RNF166: variants seen among roughly 807,000 people sequenced by gnomAD.
The protein encoded by RNF166 is ring finger protein 166.
In RNF166, 19 loss-of-function variants were observed where a neutral mutation model predicts 29.4. The observed-to-expected ratio is 0.65, with a 90% CI of 0.45 to 0.95. The LOEUF (loss-of-function observed/expected upper bound fraction) is 0.95. Ranked by LOEUF, RNF166 falls within the 40% of genes least tolerant of loss-of-function variation. RNF166 has a pLI of 0.00. For missense variants in RNF166, 347 were observed against 322.1 expected (o/e 1.08, Z -0.59); for synonymous variants, 171 against 134.5 (o/e 1.27, Z -1.88).
intron 1 of RNF166, 67 bp from the exon 2 acceptor site, chr16:88,701,485 G>C: frequency 6.9e-7 from 1 of 1,447,476 alleles, no homozygotes; most frequent in East Asian, 2.4e-5. Context: ...GCCTTGCTCG[G>C]GGCCCTTCTT....
At chr16:88,700,531 C>T in intron 2 of RNF166, 1 of 910,020 alleles carries the variant, frequency 1.1e-6, no homozygotes, top group Non-Finnish European at 1.3e-6. Context: ...GGACAAACCA[C>T]CGAGGGGCCA....
In RNF166 at chr16:88,706,335, AGGCCCGCGCCGCCCGCCGCCCGCTGTCCT is replaced by A; in HGVS notation, c.-39_-11del. The A allele has an allele frequency of 8.2e-7, 1 of 1,212,840 alleles. No individual in the cohort carries two copies. The highest frequency in any genetic ancestry group is 1.0e-6 in the Non-Finnish European group (1 of 976,006). 75.1% of individuals were successfully genotyped at this position (1,212,840 alleles called of 1,614,324 possible). A position where few individuals can be genotyped will look rare whatever the true frequency, so the allele number is the denominator to read the frequency against. On this transcript the variant is annotated 5_prime_UTR_variant, in exon 1 of 6. Transcript: ENST00000312838. ...TGCGGAACATAGCCATCCCGGGGCC[AGGCCCGCGCCGCCCGCCGCCCGCTGTCCT>A]GGCCCGGGCCGGCCCGCTAGTCACA...
intron 1 of RNF166, 110 bp from the exon 2 acceptor site, chr16:88,701,528 G>C (rs1910231383): frequency 9.5e-7 from 1 of 1,057,740 alleles, no homozygotes; most frequent in South Asian, 1.7e-5. Flanking sequence ...CACAGGGGCA[G>C]CTCCCCCTAC....
At chr16:88,702,939 C>T (rs1910401776) in intron 1 of RNF166, 1 of 985,368 alleles carries the variant, frequency 1.0e-6, no homozygotes, top group African/African-American at 1.7e-5. Context: ...CATACTCAGG[C>T]ACTCATGGCA....
intron 4 of RNF166, 75 bp from the exon 5 acceptor site, chr16:88,698,684 C>T (rs539914007): frequency 1.9e-4 from 210 of 1,130,436 alleles, no homozygotes; most frequent in South Asian, 7.2e-4. Flanking sequence ...TGGGGGCCCT[C>T]CACTGAGCCC....
intron 2 of RNF166, 48 bp from the exon 3 acceptor site, chr16:88,699,780 G>A (rs1415755796): frequency 6.9e-7 from 1 of 1,447,672 alleles, no homozygotes; most frequent in African/African-American, 1.4e-5. Context: ...AATCTGGAAG[G>A]GCCGTCCTGG....
intron 2 of RNF166, chr16:88,700,787 G>T: frequency 9.8e-7 from 1 of 1,022,356 alleles, no homozygotes; most frequent in South Asian, 3.3e-5. Flanking sequence ...CCCTTACGCT[G>T]CTCTGATGTG....
rs1023844973 is a variant in RNF166 at position 88,706,374 on chromosome 16, C to T, written c.-49G>A. On this transcript the variant is annotated 5_prime_UTR_variant, in exon 1 of 6. Coordinates refer to ENST00000312838, the MANE Select transcript of RNF166 (RefSeq NM_178841.4). ...CGCCGCCCGCTGTCCTGGCCCGGGC[C>T]GGCCCGCTAGTCACAGCCGCTACTG... 49 of 1,217,232 alleles carry T rather than the reference C, an allele frequency of 4.0e-5. No homozygotes were observed. Among genetic ancestry groups the T allele is most frequent in the Non-Finnish European group, 4.5e-5 (44 of 976,036 alleles). The allele number at this position is 1,217,232 out of a possible 1,614,324, so 75.4% of individuals were successfully genotyped here.
At chr16:88,704,496 A>G (rs757746609) in intron 1 of RNF166, 32 of 985,212 alleles carry the variant, frequency 3.2e-5, no homozygotes, top group Non-Finnish European at 3.9e-5. Flanking sequence ...AGGAAAAGAC[A>G]TATTTGAAAA....
chr16:88,699,640 G>A lies in RNF166; in HGVS notation c.405C>T (p.Pro135=), dbSNP rs973615495. 8.1e-6 allele frequency: 13 copies of A among 1,612,896 alleles called. No homozygotes were observed. The highest frequency in any genetic ancestry group is 1.1e-5 in the Non-Finnish European group (13 of 1,179,598). Residue 135 remains proline, a synonymous_variant, in exon 3 of 6, where the codon CCC becomes CCT. Transcript: ENST00000312838. The part of the protein sequence containing the change: ...ANCPKFVPVV[P]TSQPIPSNIP... ...CCTACCTGGGGATAGGCTGTGATGTGGGCACCACGGGGACGAACTTGGGGC... is the reference window on the plus strand; with the variant it reads ...CCTACCTGGGGATAGGCTGTGATGTAGGCACCACGGGGACGAACTTGGGGC...
intron 1 of RNF166, chr16:88,704,594 C>T (rs557068889): frequency 6.7e-5 from 66 of 984,426 alleles, no homozygotes; most frequent in African/African-American, 5.2e-4. Flanking sequence ...CCAAAGCCTA[C>T]GGGAGGCTTT....
intron 1 of RNF166, chr16:88,703,794 T>C (rs904726869): frequency 1.4e-5 from 14 of 985,322 alleles, no homozygotes; most frequent in Non-Finnish European, 1.6e-5. Flanking sequence ...ACTGCCAATG[T>C]GTCTCCCACA....
At position 88,698,646 on chromosome 16, in the gene RNF166, C is replaced by T. The variant is rs375064542; in HGVS notation, c.541-37G>A. On this transcript the variant is annotated intron_variant, in intron 4 of 5. Transcript: ENST00000312838. The stretch of plus-strand genomic sequence containing the variant: ...ACTGGGGTCAAGCCGAGCCGGACCG[C>T]GGAGAGGCGGGGTAGCCGCAGTAGG... 25 of 1,447,654 alleles carry T rather than the reference C, an allele frequency of 1.7e-5. No individual in the cohort carries two copies. In the East Asian group the frequency reaches 2.5e-4, roughly 14 times the overall value. 89.7% of individuals were successfully genotyped at this position (1,447,654 alleles called of 1,614,324 possible).
rs184102496 is a variant in RNF166 at position 88,704,151 on chromosome 16, G to A, written c.155+2020C>T. Reference sequence around the variant, plus strand: ...AAGTTGCTCTGGTTGGGGAGCTTGCGGAGGGGACAGAACCAGACCAGCAAC... The same window carrying A: ...AAGTTGCTCTGGTTGGGGAGCTTGCAGAGGGGACAGAACCAGACCAGCAAC... On this transcript the variant is annotated intron_variant, in intron 1 of 5. Coordinates refer to ENST00000312838, the MANE Select transcript of RNF166 (RefSeq NM_178841.4). 1.5e-3 allele frequency: 1,431 copies of A among 985,494 alleles called. 2 individuals carry two copies. The highest frequency in any genetic ancestry group is 1.6e-3 in the Non-Finnish European group (1,358 of 829,948). The allele number at this position is 985,494 out of a possible 1,614,324, so 61.0% of individuals were successfully genotyped here. A position where few individuals can be genotyped will look rare whatever the true frequency, so the allele number is the denominator to read the frequency against.
At chr16:88,698,046 G>A (rs376508655) in intron 5 of RNF166, 3 of 539,338 alleles carry the variant, frequency 5.6e-6, no homozygotes, top group Non-Finnish European at 9.9e-6. Flanking sequence ...ACAGGGCGGC[G>A]CAGGGAGGGG....
chr16:88,702,941 C>G, intron 1 of RNF166: 2 of 985,496 alleles, frequency 2.0e-6, no homozygotes, highest in South Asian at 4.7e-5. Context: ...TACTCAGGCA[C>G]TCATGGCAGG....
intron 5 of RNF166, 98 bp downstream of exon 5, chr16:88,698,404 C>A (rs771960416): frequency 2.1e-6 from 2 of 966,574 alleles, no homozygotes; most frequent in Non-Finnish European, 3.3e-6. Context: ...TTCTGGCTTC[C>A]TCTGAACCCT....
rs1389136558 is a variant in RNF166 at position 88,706,262 on chromosome 16, C to T, written c.64G>A (p.Gly22Ser). 7.7e-7 allele frequency: 1 copy of T among 1,304,596 alleles called. No homozygotes were observed. Among genetic ancestry groups the T allele is most frequent in the Non-Finnish European group, 9.8e-7 (1 of 1,024,620 alleles). 80.8% of individuals were successfully genotyped at this position (1,304,596 alleles called of 1,614,324 possible). The change falls in exon 1 of 6, where the codon GGC becomes AGC. Residue 22 changes from glycine (G) to serine (S), a missense_variant. Coordinates refer to ENST00000312838, the MANE Select transcript of RNF166 (RefSeq NM_178841.4). ...QQRQPPAGPA[G>S]GDSGLEAQYT... is the part of the protein sequence containing the mutation. Reference sequence around the variant, plus strand: ...TGCGCCTCCAGGCCGCTGTCGCCGCCCGCCGGCCCGGCCGGCGGCTGCCGC... The same window carrying T: ...TGCGCCTCCAGGCCGCTGTCGCCGCTCGCCGGCCCGGCCGGCGGCTGCCGC...
In RNF166 at chr16:88,701,379, T is replaced by C. The variant is rs1162686106; in HGVS notation, c.195A>G (p.Pro65=). 2 of 1,611,582 alleles carry C rather than the reference T, an allele frequency of 1.2e-6. No individual in the cohort carries two copies. The highest frequency in any genetic ancestry group is 4.5e-5 in the East Asian group (2 of 44,876). The change falls in exon 2 of 6, where the codon CCA becomes CCG. Residue 65 remains proline, a synonymous_variant. Transcript: ENST00000312838. ...GECLQPCLQV[P]SPLCPLCRLP... Reference sequence around the variant, plus strand: ...GGCGGCAGAGTGGGCACAGCGGGGATGGCACCTGCAGGCAGGGCTGGAGAC... The same window carrying C: ...GGCGGCAGAGTGGGCACAGCGGGGACGGCACCTGCAGGCAGGGCTGGAGAC...
Sources: gnomAD v4.1 joint callset for allele counts on GRCh38, gnomAD v4.1.1 for gene constraint, MANE v1.5 for transcripts, NCBI Gene and HGNC (gene_info 2026-07-23, HGNC 2026-07-21) for gene names.